Variants in COPZ1 observed in about 807,000 individuals in gnomAD.
The protein encoded by COPZ1 is coat protein complex I subunit zeta 1.
In COPZ1, 4 loss-of-function variants were observed where a neutral mutation model predicts 31.7. That is an observed-to-expected ratio of 0.13 (90% CI 0.06 to 0.29). The LOEUF is 0.29. Among genes scored for constraint, COPZ1 ranks in the 10% least tolerant of loss-of-function variants. COPZ1 has a pLI of 1.00. For synonymous variants in COPZ1, 74 were observed against 79.0 expected, an observed-to-expected ratio of 0.94 and a Z score of 0.33; for missense variants, 156 against 211.5, an observed-to-expected ratio of 0.74 and a Z score of 1.63.
Position 54,351,747 on chromosome 12 carries a change from T to C in COPZ1, c.*1224T>C, listed in dbSNP as rs1954152640. 1 of 152,182 alleles carries C rather than the reference T, an allele frequency of 6.6e-6. No homozygotes were observed. The allele number at this position is 152,182 out of a possible 1,614,324, so 9.4% of individuals were successfully genotyped here. ...CTGAGGTGGGGCAGATAACGGGGCA[T>C]ATTTAAGGGGGCATCTTTGTGTAAA... On this transcript the variant is annotated 3_prime_UTR_variant, in exon 9 of 9. Transcript: ENST00000262061.
intron 7 of COPZ1, 84 bp downstream of exon 7, chr12:54,348,135 T>C: frequency 8.1e-7 from 1 of 1,235,714 alleles, no homozygotes; most frequent in Non-Finnish European, 1.2e-6. Context: ...TGTCCAGTAG[T>C]TGGGGCTCAT....
chr12:54,344,058 T>TC (rs1435667639), intron 4 of COPZ1, among the ~76,000 whole-genome samples: 1 of 152,222 alleles, frequency 6.6e-6, no homozygotes, highest in Admixed American at 6.5e-5. Context: ...CTGATGTGGT[T>TC]CAACCTAGTA....
chr12:54,327,423 G>C (rs963606604), intron 1 of COPZ1, among the ~76,000 whole-genome samples: 4 of 150,962 alleles, frequency 2.6e-5, no homozygotes, highest in African/African-American at 9.7e-5. Flanking sequence ...TCAGCCTCAC[G>C]AGTAGCTGGG....
chr12:54,339,500 A>G (rs1953934009), intron 1 of COPZ1, among the ~76,000 whole-genome samples: 1 of 152,026 alleles, frequency 6.6e-6, no homozygotes, highest in Non-Finnish European at 1.5e-5. Context: ...GATGCACGCC[A>G]CCACACCTGG....
chr12:54,339,248 C>A (rs1244696215), intron 1 of COPZ1, among the ~76,000 whole-genome samples: 4 of 146,562 alleles, frequency 2.7e-5, no homozygotes, highest in Non-Finnish European at 6.0e-5. Flanking sequence ...ACAGTGACAC[C>A]TTTTCTCTTA....
chr12:54,342,097 C>T, intron 2 of COPZ1, 109 bp from the exon 3 acceptor site: 1 of 758,682 alleles, frequency 1.3e-6, no homozygotes, highest in Non-Finnish European at 2.4e-6. Context: ...TCTCCCTTGC[C>T]CCATGCCTTG....
At position 54,350,595 on chromosome 12, in the gene COPZ1, C is replaced by A; in HGVS notation, c.*72C>A. ...GTCTGCTGTGAATTTTCATCTAGTTCCCCAATCGATGCTCTCAGGGTCATC... is the reference window on the plus strand; with the variant it reads ...GTCTGCTGTGAATTTTCATCTAGTTACCCAATCGATGCTCTCAGGGTCATC... On this transcript the variant is annotated 3_prime_UTR_variant, in exon 9 of 9. Transcript: ENST00000262061. 8.4e-7 allele frequency: 1 copy of A among 1,185,798 alleles called. No homozygotes were observed. The highest frequency in any genetic ancestry group is 1.3e-6 in the Non-Finnish European group (1 of 789,298). 73.5% of individuals were successfully genotyped at this position (1,185,798 alleles called of 1,614,324 possible).
At chr12:54,334,415 T>A (rs1953816852) in intron 1 of COPZ1, among the ~76,000 whole-genome samples, 1 of 150,336 alleles carries the variant, frequency 6.7e-6, no homozygotes. Context: ...AGCAACACTG[T>A]CTCAAAAAAA....
rs774746641 is a variant in COPZ1, at chr12:54,345,441, C to G, written c.262-19C>G. ...AGGGCCTTGAACCTTATCCTTCTGCCTCCTCTGTTTCCCAACAGCTGATGC... is the reference window on the plus strand; with the variant it reads ...AGGGCCTTGAACCTTATCCTTCTGCGTCCTCTGTTTCCCAACAGCTGATGC... On this transcript the variant is annotated intron_variant, in intron 4 of 8. Transcript: ENST00000262061. The G allele has an allele frequency of 9.9e-6, 16 of 1,608,672 alleles. No individual in the cohort carries two copies. The South Asian group carries it at 1.8e-4, about 18-fold the overall frequency.
chr12:54,334,806 G>T (rs962012843), intron 1 of COPZ1, among the ~76,000 whole-genome samples: 1 of 151,700 alleles, frequency 6.6e-6, no homozygotes, highest in African/African-American at 2.4e-5. Flanking sequence ...GCAGCGAGCC[G>T]AGATCAGACC....
rs1401364908 is a variant in COPZ1, at chr12:54,325,134, G to T, written c.-30G>T. ...AATCAGCGGCGGCGTTTCTTTTGCG[G>T]CTCCACGTCGGCACCAGCTGCGGGG... is the stretch of plus-strand genomic sequence containing the variant. On this transcript the variant is annotated 5_prime_UTR_variant, in exon 1 of 9. Coordinates refer to ENST00000262061, the MANE Select transcript of COPZ1 (RefSeq NM_016057.3). 1.3e-6 allele frequency: 2 copies of T among 1,559,726 alleles called. No homozygotes were observed. Among genetic ancestry groups the T allele is most frequent in the Non-Finnish European group, 1.7e-6 (2 of 1,152,390 alleles).
intron 8 of COPZ1, 69 bp from the exon 9 acceptor site, chr12:54,350,407 G>T: frequency 8.3e-7 from 1 of 1,204,810 alleles, no homozygotes. Context: ...AGGGGAAGGA[G>T]ATCCCCAGCC....
At chr12:54,350,242 C>T (rs1180025958) in intron 8 of COPZ1, 11 of 702,506 alleles carry the variant, frequency 1.6e-5, no homozygotes, top group Non-Finnish European at 2.6e-5. Context: ...TTCTTTTATA[C>T]CAGGTATACC....
At chr12:54,331,171 C>CT (rs1565589476) in intron 1 of COPZ1, among the ~76,000 whole-genome samples, 1 of 138,522 alleles carries the variant, frequency 7.2e-6, no homozygotes, top group East Asian at 2.2e-4. Flanking sequence ...TATTTTCACA[C>CT]TCTTTTTTTT....
chr12:54,333,392 G>T (rs948487524), intron 1 of COPZ1, among the ~76,000 whole-genome samples: 1 of 152,086 alleles, frequency 6.6e-6, no homozygotes, highest in East Asian at 1.9e-4. Context: ...CTGGGAATAA[G>T]GTCCATAGAT....
Position 54,343,325 on chromosome 12 carries a change from C to A in COPZ1, c.261+9C>A, listed in dbSNP as rs761764367. On this transcript the variant is annotated intron_variant, in intron 4 of 8. Coordinates refer to ENST00000262061, the MANE Select transcript of COPZ1 (RefSeq NM_016057.3). ...GCTCCTATGAAAATGAGGTGAGAATCCCCACCCCTCTTTGCTATTTCTGAT... is the reference window on the plus strand; with the variant it reads ...GCTCCTATGAAAATGAGGTGAGAATACCCACCCCTCTTTGCTATTTCTGAT... The A allele has an allele frequency of 3.8e-6, 6 of 1,597,498 alleles. No individual in the cohort carries two copies. The highest frequency in any genetic ancestry group is 1.3e-5 in the African/African-American group (1 of 74,490).
At position 54,350,562 on chromosome 12, in the gene COPZ1, A is replaced by G; in HGVS notation, c.*39A>G. The G allele has an allele frequency of 6.4e-7, 1 of 1,554,952 alleles. No homozygotes were observed. Among genetic ancestry groups the G allele is most frequent in the Non-Finnish European group, 8.9e-7 (1 of 1,126,202 alleles). On this transcript the variant is annotated 3_prime_UTR_variant, in exon 9 of 9. Coordinates refer to ENST00000262061, the MANE Select transcript of COPZ1 (RefSeq NM_016057.3). ...CCTGGCTCTTCATCCTCTTCAAAAAATTTGCATGTCTGCTGTGAATTTTCA... is the reference window on the plus strand; with the variant it reads ...CCTGGCTCTTCATCCTCTTCAAAAAGTTTGCATGTCTGCTGTGAATTTTCA...
intron 1 of COPZ1, 121 bp from the exon 2 acceptor site, chr12:54,340,426 A>G: frequency 6.8e-7 from 1 of 1,475,520 alleles, no homozygotes; most frequent in South Asian, 1.4e-5. Context: ...AAGTTGAGGT[A>G]AGGGACTTAC....
intron 1 of COPZ1, among the ~76,000 whole-genome samples, chr12:54,340,132 T>A (rs1291103524): frequency 6.6e-6 from 1 of 152,114 alleles, no homozygotes; most frequent in East Asian, 1.9e-4. Flanking sequence ...TACTAGGACA[T>A]TCAACCCTAT....
Sources: gnomAD v4.1 joint callset for allele counts (sites outside exome capture counted in the v4.1 genomes callset) on GRCh38, gnomAD v4.1.1 for gene constraint, MANE v1.5 for transcripts, NCBI Gene and HGNC (gene_info 2026-07-23, HGNC 2026-07-21) for gene names.